The following MPDZ variants were observed in gnomAD, a reference collection of about 807,000 sequenced individuals.
The protein encoded by MPDZ is multiple PDZ domain protein.
In MPDZ, 234 loss-of-function variants were observed where a neutral mutation model predicts 239.1. The ratio of observed to expected loss-of-function variants is 0.98; its 90% CI spans 0.88 to 1.09. The LOEUF is 1.09. Among genes scored for constraint, MPDZ ranks in the 50% least tolerant of loss-of-function variants. The pLI is 0.00. For synonymous variants in MPDZ, 1,048 were observed against 881.3 expected (o/e 1.19, Z -3.35); for missense variants, 3,175 against 2,510.0 (o/e 1.26, Z -5.66).
At chr9:13,167,771 A>G (rs1951259008) in intron 22 of MPDZ, among the ~76,000 whole-genome samples, 1 of 152,136 alleles carries the variant, frequency 6.6e-6, no homozygotes, top group African/African-American at 2.4e-5. Context: ...AACCACATAT[A>G]TGATGTGCTT....
In MPDZ at chr9:13,221,386, C is replaced by T. The variant is rs1959075774; in HGVS notation, c.862G>A (p.Gly288Arg). The change falls in exon 7 of 47, where the codon GGA (glycine) becomes AGA (arginine). Residue 288 changes from glycine to arginine, a missense_variant. By Grantham distance (125) the Gly-to-Arg change is moderately radical. Transcript: ENST00000319217. ...ATGTAGCCTACCTGATCAGCTACTC[C>T]TCCAGGCAGAATGGTTTTTACTATC... ...GVIVKTILPG[G>R]VADQHGRLCS... 1.4e-5 allele frequency: 22 copies of T among 1,609,162 alleles called. No individual in the cohort carries two copies. Among genetic ancestry groups the T allele is most frequent in the Middle Eastern group, 3.3e-4 (2 of 6,050 alleles).
rs187326501 is a variant in MPDZ, at chr9:13,254,890, G to T, written c.-57-4518C>A. 5.9e-4 allele frequency among the ~76,000 whole-genome samples: 90 copies of T among 152,298 alleles called. 1 individual carries two copies. In the East Asian group the frequency reaches 0.015, roughly 25 times the overall value. ...TGATGGCTGCTGACTGACGGGTGGTGGTTGCTGAAGGCTGTGGTCACTGTA... is the reference window on the plus strand; with the variant it reads ...TGATGGCTGCTGACTGACGGGTGGTTGTTGCTGAAGGCTGTGGTCACTGTA... On this transcript the variant is annotated intron_variant, in intron 1 of 46. Coordinates refer to ENST00000319217, the MANE Select transcript of MPDZ (RefSeq NM_001378778.1).
chr9:13,184,263 C>T (rs1055666716), intron 18 of MPDZ, among the ~76,000 whole-genome samples: 3 of 151,884 alleles, frequency 2.0e-5, no homozygotes, highest in Non-Finnish European at 4.4e-5. Context: ...GTCACAGAAT[C>T]AAGATTAATA....
intron 40 of MPDZ, among the ~76,000 whole-genome samples, chr9:13,114,230 A>G (rs1202997866): frequency 6.6e-6 from 1 of 152,204 alleles, no homozygotes; most frequent in Non-Finnish European, 1.5e-5. Flanking sequence ...TGAAGCTAAA[A>G]GGGTAGATGA....
At chr9:13,219,207 A>ACTCATCT in intron 8 of MPDZ, among the ~76,000 whole-genome samples, 1 of 151,964 alleles carries the variant, frequency 6.6e-6, no homozygotes, top group South Asian at 2.1e-4. Flanking sequence ...GACCCACCTT[A>ACTCATCT]CAGAGAGTCT....
In MPDZ at chr9:13,121,817, T is replaced by A. The variant is rs757501348; in HGVS notation, c.5153A>T (p.Glu1718Val). ...AATAGTGAGGGTGTCACACACTTCC[T>A]CCTCTTTGTATGGGGCCTCATCTCT... ...LYRDEAPYKE[E>V]EVCDTLTIEL... The change falls in exon 38 of 47, where the codon GAG becomes GTG. Residue 1718 changes from glutamate (E) to valine (V), a missense_variant. Physicochemically the swap from Glu to Val is moderately radical, Grantham distance 121. Transcript: ENST00000319217. 4 of 1,613,862 alleles carry A rather than the reference T, an allele frequency of 2.5e-6. No homozygotes were observed. In the East Asian group the frequency reaches 6.7e-5, roughly 27 times the overall value.
chr9:13,262,526 G>C (rs1341253352), intron 1 of MPDZ, among the ~76,000 whole-genome samples: 1 of 151,582 alleles, frequency 6.6e-6, no homozygotes, highest in Non-Finnish European at 1.5e-5. Flanking sequence ...AACTCTACTA[G>C]AAAAATTCAG....
rs369350318 is a variant in MPDZ at position 13,205,959 on chromosome 9, T to C, written c.1431A>G (p.Thr477=). Residue 477 remains threonine, a synonymous_variant, in exon 11 of 47, where the codon ACA becomes ACG. Coordinates refer to ENST00000319217, the MANE Select transcript of MPDZ (RefSeq NM_001378778.1). ...EAELMSREDV[T]KDADLSPVNA... ...TAACAGGAGACAAATCTGCATCTTT[T>C]GTGACGTCTTCCCTTGACATGAGCT... is the stretch of plus-strand genomic sequence containing the variant. 191 of 1,608,988 alleles carry C rather than the reference T, an allele frequency of 1.2e-4. No homozygotes were observed. The highest frequency in any genetic ancestry group is 1.7e-4 in the Middle Eastern group (1 of 6,048).
chr9:13,127,274 C>T (rs1024783462), intron 32 of MPDZ, among the ~76,000 whole-genome samples: 1 of 152,200 alleles, frequency 6.6e-6, no homozygotes, highest in East Asian at 1.9e-4. Context: ...GGGGTGAACA[C>T]TCAGACTTGT....
intron 10 of MPDZ, among the ~76,000 whole-genome samples, chr9:13,212,622 T>C (rs1957756402): frequency 6.9e-6 from 1 of 144,768 alleles, no homozygotes; most frequent in South Asian, 2.3e-4. Flanking sequence ...CAGAGAAGAG[T>C]GCAGTAGAAC....
chr9:13,122,288 C>G, intron 36 of MPDZ, 118 bp from the exon 37 acceptor site: 1 of 867,108 alleles, frequency 1.2e-6, no homozygotes, highest in South Asian at 1.7e-5. Context: ...TAAACTCTGG[C>G]TCTACAGTAC....
intron 22 of MPDZ, among the ~76,000 whole-genome samples, chr9:13,166,706 G>A (rs1459902805): frequency 1.3e-5 from 2 of 151,996 alleles, no homozygotes; most frequent in East Asian, 3.9e-4. Flanking sequence ...TAGCTCTCTA[G>A]ATACCCTTCA....
chr9:13,113,272 C>T (rs1252617105), intron 41 of MPDZ, among the ~76,000 whole-genome samples: 1 of 152,066 alleles, frequency 6.6e-6, no homozygotes, highest in Middle Eastern at 3.2e-3. Flanking sequence ...TCTTCCTTCT[C>T]ATTTTAAGTG....
At chr9:13,146,522 A>G in intron 26 of MPDZ, among the ~76,000 whole-genome samples, 1 of 152,078 alleles carries the variant, frequency 6.6e-6, no homozygotes, top group Non-Finnish European at 1.5e-5. Flanking sequence ...TCCCTCACAT[A>G]TGTTGATATT....
chr9:13,190,559 T>G (rs1954764494), intron 15 of MPDZ, among the ~76,000 whole-genome samples: 1 of 152,160 alleles, frequency 6.6e-6, no homozygotes, highest in African/African-American at 2.4e-5. Context: ...TGGTTATATC[T>G]CGACAGCAGG....
At chr9:13,133,450 A>C (rs1946297257) in intron 32 of MPDZ, among the ~76,000 whole-genome samples, 1 of 152,186 alleles carries the variant, frequency 6.6e-6, no homozygotes, top group African/African-American at 2.4e-5. Context: ...ACAAGACTAT[A>C]ACTTCTGTTT....
intron 19 of MPDZ, among the ~76,000 whole-genome samples, chr9:13,181,478 A>G (rs1384926603): frequency 6.6e-6 from 1 of 152,182 alleles, no homozygotes; most frequent in African/African-American, 2.4e-5. Context: ...TTTTACCACG[A>G]TGCAGGAACA....
intron 1 of MPDZ, among the ~76,000 whole-genome samples, chr9:13,271,678 CAA>C (rs758266074): frequency 3.3e-5 from 5 of 152,154 alleles, no homozygotes; most frequent in Non-Finnish European, 5.9e-5. Flanking sequence ...TATAGAACCT[CAA>C]AGAGTAAAAT....
intron 1 of MPDZ, among the ~76,000 whole-genome samples, chr9:13,264,681 A>AAATACACAT (rs1294445726): frequency 6.6e-6 from 1 of 152,066 alleles, no homozygotes; most frequent in African/African-American, 2.4e-5. Context: ...AAAGAGTCCA[A>AAATACACAT]AATACACATT....
Sources: allele counts gnomAD v4.1 joint callset (sites outside exome capture counted in the v4.1 genomes callset), GRCh38; gene constraint gnomAD v4.1.1; transcripts MANE v1.5; gene names NCBI Gene and HGNC (gene_info 2026-07-23, HGNC 2026-07-21).